The following SLIT3 variants were observed in gnomAD, a reference collection of about 807,000 sequenced individuals.
SLIT3 encodes slit homolog 3 protein.
SLIT3 carries 68 observed loss-of-function variants against 184.0 expected under a neutral mutation model. The observed-to-expected ratio is 0.37, with a 90% CI of 0.30 to 0.45. SLIT3 has a LOEUF of 0.45. Among genes scored for constraint, SLIT3 ranks in the 20% least tolerant of loss-of-function variants. SLIT3 has a pLI of 1.00. For missense variants in SLIT3, 1,707 were observed against 2,026.0 expected (o/e 0.84, Z 3.02); for synonymous variants, 831 against 828.6 (o/e 1.00, Z -0.05).
intron 4 of SLIT3, among the ~76,000 whole-genome samples, chr5:169,108,411 A>G (rs1371279728): frequency 2.0e-5 from 3 of 152,228 alleles, no homozygotes; most frequent in African/African-American, 7.2e-5. Flanking sequence ...CATGTATTCT[A>G]CCATGGATCC....
intron 4 of SLIT3, among the ~76,000 whole-genome samples, chr5:168,885,222 C>T (rs1031025270): frequency 2.0e-5 from 3 of 152,144 alleles, no homozygotes; most frequent in Non-Finnish European, 4.4e-5. Flanking sequence ...GGTAGAGTGC[C>T]GGTGTGAGTA....
chr5:169,020,383 C>G (rs1211796431), intron 4 of SLIT3, among the ~76,000 whole-genome samples: 21 of 152,116 alleles, frequency 1.4e-4, no homozygotes. Flanking sequence ...TGATCCCCCA[C>G]GATGTTGACA....
Position 168,823,274 on chromosome 5 carries a change from C to T in SLIT3, c.615G>A (p.Pro205=), listed in dbSNP as rs773850765. 5.6e-5 allele frequency: 90 copies of T among 1,613,738 alleles called. No individual in the cohort carries two copies. The Admixed American group carries it at 6.8e-4, about 12-fold the overall frequency. ...RILVTSFNHM[P]KIRTLRLHSN... ...TTCTTACTCACAGAGTTCGGATCTT[C>T]GGCATGTGGTTGAAGCTGGTGACCA... Residue 205 remains proline (P), a synonymous_variant, in exon 7 of 36, where the codon CCG becomes CCA. Transcript: ENST00000519560.
intron 4 of SLIT3, among the ~76,000 whole-genome samples, chr5:168,922,995 G>A (rs1341977265): frequency 6.6e-6 from 1 of 152,190 alleles, no homozygotes; most frequent in Non-Finnish European, 1.5e-5. Flanking sequence ...GATACGGAAA[G>A]TGAGGATACT....
chr5:168,779,570 CCCAT>C (rs1755895060), intron 12 of SLIT3, among the ~76,000 whole-genome samples: 1 of 152,178 alleles, frequency 6.6e-6, no homozygotes, highest in Non-Finnish European at 1.5e-5. Flanking sequence ...TAGCACTCAG[CCCAT>C]TGACTACCCA....
intron 8 of SLIT3, 37 bp from the exon 9 acceptor site, chr5:168,806,624 T>C (rs1756972993): frequency 6.2e-7 from 1 of 1,610,880 alleles, no homozygotes; most frequent in Non-Finnish European, 8.5e-7. Flanking sequence ...CTTATGTCAG[T>C]GTCAGGAGCT....
intron 4 of SLIT3, among the ~76,000 whole-genome samples, chr5:169,183,741 C>T (rs759189017): frequency 3.3e-5 from 5 of 152,230 alleles, no homozygotes; most frequent in Non-Finnish European, 7.3e-5. Flanking sequence ...TTTTATGCAG[C>T]AACCTATAAG....
intron 4 of SLIT3, among the ~76,000 whole-genome samples, chr5:169,131,712 G>A (rs1300320808): frequency 6.6e-6 from 1 of 152,132 alleles, no homozygotes; most frequent in Non-Finnish European, 1.5e-5. Context: ...CTCCTCCTTG[G>A]CTGACTCTGT....
intron 3 of SLIT3, among the ~76,000 whole-genome samples, chr5:169,222,423 C>A (rs752345506): frequency 1.3e-5 from 2 of 152,032 alleles, no homozygotes; most frequent in Non-Finnish European, 2.9e-5. Context: ...CCCACCATTG[C>A]TAGTAAAGAA....
At chr5:169,196,833 C>G (rs984135962) in intron 3 of SLIT3, among the ~76,000 whole-genome samples, 3 of 152,184 alleles carry the variant, frequency 2.0e-5, no homozygotes, top group Admixed American at 6.5e-5. Context: ...AATGAACCAC[C>G]CTGTGTACAT....
chr5:169,081,244 T>C (rs1335316912), intron 4 of SLIT3, among the ~76,000 whole-genome samples: 1 of 152,174 alleles, frequency 6.6e-6, no homozygotes, highest in African/African-American at 2.4e-5. Context: ...TTCTCTTTCA[T>C]TAAACAAGGG....
intron 4 of SLIT3, among the ~76,000 whole-genome samples, chr5:169,161,862 G>A (rs996973036): frequency 6.6e-6 from 1 of 151,946 alleles, no homozygotes; most frequent in Non-Finnish European, 1.5e-5. Context: ...GGTGACCCTG[G>A]GCAAGTCATA....
At chr5:168,885,755 G>C (rs1314249687) in intron 4 of SLIT3, among the ~76,000 whole-genome samples, 1 of 152,226 alleles carries the variant, frequency 6.6e-6, no homozygotes, top group Non-Finnish European at 1.5e-5. Context: ...TTGAACCATA[G>C]CTGGAAGCTG....
chr5:168,842,290 G>A (rs1229246581), intron 6 of SLIT3, among the ~76,000 whole-genome samples: 2 of 152,080 alleles, frequency 1.3e-5, no homozygotes, highest in East Asian at 3.9e-4. Flanking sequence ...AGCCAAATGA[G>A]AGTGTCTTTA....
rs543781713 is a variant in SLIT3 at position 168,904,953 on chromosome 5, G to A, written c.414-21617C>T. 2.1e-3 allele frequency among the ~76,000 whole-genome samples: 316 copies of A among 152,196 alleles called. 4 individuals are homozygous for A. Among genetic ancestry groups the A allele is most frequent in the African/African-American group, 7.3e-3 (302 of 41,524 alleles). On this transcript the variant is annotated intron_variant, in intron 4 of 35. Transcript: ENST00000519560. The stretch of plus-strand genomic sequence containing the variant: ...AGGCTGAGGCGGGCAGATTGCCTGA[G>A]CTCAGGAGTTTGAGACCAGCCTGGG...
chr5:168,882,388 C>A (rs925809050), intron 5 of SLIT3, among the ~76,000 whole-genome samples: 22 of 152,116 alleles, frequency 1.4e-4, no homozygotes, highest in African/African-American at 5.3e-4. Flanking sequence ...GTAGGAGAAG[C>A]CAGGTAGGAA....
intron 4 of SLIT3, among the ~76,000 whole-genome samples, chr5:169,049,109 A>G (rs948062866): frequency 1.1e-4 from 17 of 152,240 alleles, no homozygotes; most frequent in African/African-American, 4.1e-4. Flanking sequence ...GCCATTACCC[A>G]TGTTAGTCAA....
chr5:168,694,611 ATCTC>A (rs973546101), intron 28 of SLIT3, among the ~76,000 whole-genome samples: 14 of 151,532 alleles, frequency 9.2e-5, no homozygotes, highest in African/African-American at 3.1e-4. Flanking sequence ...CTCTTTCTTT[ATCTC>A]TCTCTCTTTC....
At chr5:169,193,101 C>T (rs927179044) in intron 4 of SLIT3, among the ~76,000 whole-genome samples, 1 of 152,172 alleles carries the variant, frequency 6.6e-6, no homozygotes, top group African/African-American at 2.4e-5. Context: ...TCGGTCCAAA[C>T]CGTTGCCTTC....
Sources: allele counts gnomAD v4.1 joint callset (sites outside exome capture counted in the v4.1 genomes callset), GRCh38; gene constraint gnomAD v4.1.1; transcripts MANE v1.5; gene names NCBI Gene and HGNC (gene_info 2026-07-23, HGNC 2026-07-21).